The following SLC14A2 variants were observed in gnomAD, a reference collection of about 807,000 sequenced individuals.
The protein encoded by SLC14A2 is urea transporter 2.
SLC14A2 carries 91 observed loss-of-function variants against 104.6 expected under a neutral mutation model. The observed-to-expected ratio is 0.87, with a 90% CI of 0.73 to 1.04. SLC14A2 has a LOEUF of 1.04. SLC14A2 is among the 50% of genes least tolerant of loss of function. The probability of loss-of-function intolerance (pLI) is 0.00; values close to 1 mark genes in which losing one functional copy is unlikely to be tolerated. For synonymous variants in SLC14A2, 476 were observed against 466.4 expected (o/e 1.02, Z -0.27); for missense variants, 1,189 against 1,156.0 (o/e 1.03, Z -0.41).
intron 1 of SLC14A2, among the ~76,000 whole-genome samples, chr18:45,230,625 C>T (rs965105158): frequency 6.6e-6 from 1 of 152,210 alleles, no homozygotes; most frequent in Non-Finnish European, 1.5e-5. Context: ...CCATGTAATG[C>T]AACATATTAA....
intron 1 of SLC14A2, among the ~76,000 whole-genome samples, chr18:45,259,591 T>C (rs868053036): frequency 4.1e-4 from 62 of 151,876 alleles, no homozygotes; most frequent in African/African-American, 1.5e-3. Context: ...AAGATAAGAG[T>C]GATTCATAAA....
At chr18:45,638,069 G>T (rs2045452052) in intron 6 of SLC14A2, among the ~76,000 whole-genome samples, 1 of 152,076 alleles carries the variant, frequency 6.6e-6, no homozygotes, top group Admixed American at 6.6e-5. Flanking sequence ...TGACCGCTTG[G>T]GCTTAAAATC....
rs151091239 is a variant in SLC14A2, at chr18:45,478,654, G to A, written c.-124-4579G>A. Among the ~76,000 whole-genome samples, 135 of 152,236 alleles carry A rather than the reference G, an allele frequency of 8.9e-4. 2 individuals are homozygous for A. Among genetic ancestry groups the A allele is most frequent in the Admixed American group, 2.6e-3 (39 of 15,288 alleles). ...AGCTATTTTGCAGAAAAAGGAAGGC[G>A]TGAAGAGCCAGCCTATAATGTCATC... On this transcript the variant is annotated intron_variant, in intron 1 of 20. Coordinates refer to the SLC14A2 transcript ENST00000586448.
At position 45,247,718 on chromosome 18, in the gene SLC14A2, C is replaced by A. The variant is rs1449321589; in HGVS notation, c.-125+34527C>A. ...ATGTAGGCCTTTTTTTTTTTTTTTT[C>A]ATATTAACACAGTCAAAGCACTTCT... On this transcript the variant is annotated intron_variant, in intron 1 of 20. Transcript: ENST00000586448. Among the ~76,000 whole-genome samples, 5 of 101,762 alleles carry A rather than the reference C, an allele frequency of 4.9e-5. No individual in the cohort carries two copies. In the East Asian group the frequency reaches 1.0e-3, roughly 21 times the overall value. 66.8% of individuals were successfully genotyped at this position (101,762 alleles called of 152,430 possible). A position where few individuals can be genotyped will look rare whatever the true frequency, so the allele number is the denominator to read the frequency against.
At chr18:45,634,097 C>T (rs920674247) in intron 5 of SLC14A2, among the ~76,000 whole-genome samples, 1 of 152,064 alleles carries the variant, frequency 6.6e-6, no homozygotes, top group African/African-American at 2.4e-5. Flanking sequence ...ATTTAAAGGA[C>T]AAAAAAACAC....
At chr18:45,314,976 G>T (rs920708792) in intron 1 of SLC14A2, among the ~76,000 whole-genome samples, 2 of 152,188 alleles carry the variant, frequency 1.3e-5, no homozygotes, top group East Asian at 1.9e-4. Context: ...GACTACCTGG[G>T]TTGCGTGGAC....
chr18:45,518,176 G>A (rs754786237), intron 2 of SLC14A2, among the ~76,000 whole-genome samples: 15 of 152,088 alleles, frequency 9.9e-5, no homozygotes, highest in East Asian at 1.9e-4. Context: ...ACACAGTTCC[G>A]GGTTGCTCCA....
intron 1 of SLC14A2, among the ~76,000 whole-genome samples, chr18:45,457,887 A>T (rs536972586): frequency 3.2e-4 from 48 of 152,094 alleles, no homozygotes; most frequent in African/African-American, 1.1e-3. Flanking sequence ...CGGTGGGAGG[A>T]GAAGAAGCAT....
intron 1 of SLC14A2, among the ~76,000 whole-genome samples, chr18:45,285,877 T>C (rs561746035): frequency 1.3e-5 from 2 of 152,262 alleles, no homozygotes; most frequent in East Asian, 3.9e-4. Flanking sequence ...GAACAGTGGT[T>C]CTCAGCCATG....
intron 10 of SLC14A2, among the ~76,000 whole-genome samples, chr18:45,653,578 C>T (rs935703198): frequency 6.6e-6 from 1 of 152,098 alleles, no homozygotes; most frequent in African/African-American, 2.4e-5. Flanking sequence ...AAACTCCAGG[C>T]CCCCAGACCC....
rs58962313 is a variant in SLC14A2 at position 45,388,064 on chromosome 18, C to CTTTTTTTT, written c.-124-95146_-124-95139dup. On this transcript the variant is annotated intron_variant, in intron 1 of 20. Coordinates refer to the SLC14A2 transcript ENST00000586448. ...TGCCCTAAGCTCACCTTGCTCATAT[C>CTTTTTTTT]TTTTTTTTTTTTTTTTTTTTTTTTT... 2.2e-4 allele frequency among the ~76,000 whole-genome samples: 15 copies of CTTTTTTTT among 69,092 alleles called. 1 individual carries two copies. The highest frequency in any genetic ancestry group is 9.0e-4 in the African/African-American group (15 of 16,640). 45.3% of individuals were successfully genotyped at this position (69,092 alleles called of 152,430 possible).
intron 1 of SLC14A2, among the ~76,000 whole-genome samples, chr18:45,243,679 G>A (rs1280585761): frequency 1.3e-5 from 2 of 152,178 alleles, no homozygotes; most frequent in African/African-American, 4.8e-5. Flanking sequence ...ATGTTGTTCA[G>A]CAAGAGAAGC....
chr18:45,383,773 G>C (rs2085864159), intron 1 of SLC14A2, among the ~76,000 whole-genome samples: 1 of 152,120 alleles, frequency 6.6e-6, no homozygotes. Context: ...GCATGTGCTA[G>C]GAGAGCAATC....
chr18:45,566,473 C>T (rs2044267214), intron 2 of SLC14A2, among the ~76,000 whole-genome samples: 1 of 151,858 alleles, frequency 6.6e-6, no homozygotes, highest in South Asian at 2.1e-4. Context: ...CAGGCCTCTC[C>T]CTGTCGTCAC....
chr18:45,214,991 C>T (rs1037835578), intron 1 of SLC14A2, among the ~76,000 whole-genome samples: 3 of 148,770 alleles, frequency 2.0e-5, no homozygotes, highest in African/African-American at 7.5e-5. Flanking sequence ...GTGAGTGCTA[C>T]AGGCAGTAAG....
intron 2 of SLC14A2, among the ~76,000 whole-genome samples, chr18:45,494,785 C>G (rs1187660613): frequency 6.6e-6 from 1 of 152,024 alleles, no homozygotes; most frequent in Non-Finnish European, 1.5e-5. Flanking sequence ...ATCTCCTTCA[C>G]CTCTCTTCAG....
chr18:45,453,380 A>G (rs2086887897), intron 1 of SLC14A2, among the ~76,000 whole-genome samples: 2 of 152,198 alleles, frequency 1.3e-5, no homozygotes, highest in African/African-American at 4.8e-5. Context: ...GGTGACAAAA[A>G]TCTCAGTAAT....
At position 45,457,629 on chromosome 18, in the gene SLC14A2, T is replaced by C. The variant is rs192098150; in HGVS notation, c.-124-25604T>C. Among the ~76,000 whole-genome samples the C allele has an allele frequency of 2.0e-4, 30 of 151,050 alleles. No homozygotes were observed. The East Asian group carries it at 5.2e-3, about 26-fold the overall frequency. On this transcript the variant is annotated intron_variant, in intron 1 of 20. Transcript: ENST00000586448. ...GCAACAAGTTAGAGAGGGTCACTGG[T>C]AGTGACCTGTTTGGGGACCAGGACA...
At chr18:45,190,035 A>T in the SLC14A2 span, among the ~76,000 whole-genome samples, 10 of 152,306 alleles carry the variant, frequency 6.6e-5, no homozygotes, top group Middle Eastern at 6.8e-3. Flanking sequence ...CTGGGTCCTG[A>T]ACAGGACACA....
Sources: gnomAD v4.1 joint callset for allele counts (sites outside exome capture counted in the v4.1 genomes callset) on GRCh38, gnomAD v4.1.1 for gene constraint, MANE v1.5 for transcripts, NCBI Gene and HGNC (gene_info 2026-07-23, HGNC 2026-07-21) for gene names.